Variants in TRDMT1 observed in about 807,000 individuals in gnomAD.
TRDMT1 encodes tRNA aspartic acid methyltransferase 1, also known as tRNA (cytosine(38)-C(5))-methyltransferase.
TRDMT1 carries 49 observed loss-of-function variants against 51.2 expected under a neutral mutation model. The ratio of observed to expected loss-of-function variants is 0.96; its 90% CI spans 0.76 to 1.21. The LOEUF is 1.21. Among genes scored for constraint, TRDMT1 ranks in the 50% most tolerant of loss-of-function variants. The probability of loss-of-function intolerance (pLI) is 0.00; values close to 1 mark genes in which losing one functional copy is unlikely to be tolerated. For missense variants in TRDMT1, 534 were observed against 462.3 expected, an observed-to-expected ratio of 1.16 and a Z score of -1.42; for synonymous variants, 187 against 164.6, an observed-to-expected ratio of 1.14 and a Z score of -1.04.
At chr10:17,165,194 A>G (rs1229144208) in intron 3 of TRDMT1, among the ~76,000 whole-genome samples, 1 of 152,216 alleles carries the variant, frequency 6.6e-6, no homozygotes, top group Non-Finnish European at 1.5e-5. Context: ...GGAACAGAAC[A>G]GAGCCCTCAG....
Position 17,171,657 on chromosome 10 carries a change from T to C in TRDMT1, c.175-2740A>G, listed in dbSNP as rs1441329060. On this transcript the variant is annotated intron_variant, in intron 2 of 10. Coordinates refer to ENST00000377799, the MANE Select transcript of TRDMT1 (RefSeq NM_004412.7). ...CCTAAAAAATTGATAGTTTCATTTA[T>C]CTGCAAAGACATATTTTTTGTGTCT... 2.6e-5 allele frequency: 4 copies of C among 152,250 alleles called. No homozygotes were observed. In the East Asian group the frequency reaches 5.8e-4, roughly 22 times the overall value. 9.4% of individuals were successfully genotyped at this position (152,250 alleles called of 1,614,324 possible).
chr10:17,159,608 T>C (rs1840029942), intron 6 of TRDMT1, among the ~76,000 whole-genome samples: 1 of 152,194 alleles, frequency 6.6e-6, no homozygotes, highest in African/African-American at 2.4e-5. Flanking sequence ...TAAAAAAGGA[T>C]GATACACTAT....
chr10:17,143,385 A>C lies in TRDMT1; in HGVS notation c.*5655T>G, dbSNP rs983506957. 1.0e-5 allele frequency: 10 copies of C among 985,354 alleles called. No homozygotes were observed. The highest frequency in any genetic ancestry group is 1.2e-5 in the Non-Finnish European group (10 of 829,934). The allele number at this position is 985,354 out of a possible 1,614,324, so 61.0% of individuals were successfully genotyped here. A position where few individuals can be genotyped will look rare whatever the true frequency, so the allele number is the denominator to read the frequency against. The stretch of plus-strand genomic sequence containing the variant: ...TTTTAAAACTCAGATCGTAACAGCT[A>C]TTCAGCTTATTGTCTACTCATTCAT... On this transcript the variant is annotated 3_prime_UTR_variant, in exon 11 of 11. Coordinates refer to ENST00000377799, the MANE Select transcript of TRDMT1 (RefSeq NM_004412.7).
At chr10:17,201,284 T>C (rs1406969889) in intron 1 of TRDMT1, 1 of 340,642 alleles carries the variant, frequency 2.9e-6, no homozygotes, top group Non-Finnish European at 5.4e-6. Flanking sequence ...TTGATACCCT[T>C]TGAGGTTGAT....
rs1307153047 is a variant in TRDMT1 at position 17,138,632 on chromosome 10, A to G, written c.*10408T>C. Reference sequence around the variant, plus strand: ...CATGCTCATTATTACAATGACTACAATTATCTTTGAGTAGAATGAAAAAGA... The same window carrying G: ...CATGCTCATTATTACAATGACTACAGTTATCTTTGAGTAGAATGAAAAAGA... On this transcript the variant is annotated 3_prime_UTR_variant, in exon 11 of 11. Transcript: ENST00000377799. 6.8e-6 allele frequency among the ~76,000 whole-genome samples: 1 copy of G among 147,022 alleles called. No individual in the cohort carries two copies. The highest frequency in any genetic ancestry group is 1.5e-5 in the Non-Finnish European group (1 of 65,548).
chr10:17,181,434 C>G (rs1843269995), intron 1 of TRDMT1, among the ~76,000 whole-genome samples: 1 of 152,180 alleles, frequency 6.6e-6, no homozygotes, highest in Admixed American at 6.5e-5. Flanking sequence ...TATGGGTACT[C>G]TCAGCACCCA....
At chr10:17,191,800 C>CG in intron 1 of TRDMT1, among the ~76,000 whole-genome samples, 1 of 152,234 alleles carries the variant, frequency 6.6e-6, no homozygotes, top group Non-Finnish European at 1.5e-5. Flanking sequence ...AAAAGTCCCC[C>CG]CAAAGCGTGA....
rs189818837 is a variant in TRDMT1, at chr10:17,192,271, T to C, written c.64+9300A>G. ...ACTAGAAGAACAAAGCCACCTGTTA[T>C]TGGGGTGAGGCAGGTTACAAGAGTG... On this transcript the variant is annotated intron_variant, in intron 1 of 10. Transcript: ENST00000377799. Among the ~76,000 whole-genome samples the C allele has an allele frequency of 3.8e-3, 576 of 152,180 alleles. 6 individuals carry two copies. The highest frequency in any genetic ancestry group is 0.013 in the African/African-American group (548 of 41,506).
intron 3 of TRDMT1, among the ~76,000 whole-genome samples, chr10:17,165,260 G>A (rs1361627416): frequency 6.6e-6 from 1 of 152,144 alleles, no homozygotes; most frequent in Non-Finnish European, 1.5e-5. Context: ...ACAAAAACAA[G>A]AAATGGGGAA....
intron 1 of TRDMT1, among the ~76,000 whole-genome samples, chr10:17,178,911 G>A (rs1257288245): frequency 6.6e-6 from 1 of 152,000 alleles, no homozygotes; most frequent in Non-Finnish European, 1.5e-5. Context: ...ATACGGATAG[G>A]AACTGCTGGA....
chr10:17,197,322 A>G (rs981144458), intron 1 of TRDMT1, among the ~76,000 whole-genome samples: 1 of 152,112 alleles, frequency 6.6e-6, no homozygotes, highest in Non-Finnish European at 1.5e-5. Flanking sequence ...ACAGGAACAG[A>G]AAGGAACAGC....
Position 17,148,908 on chromosome 10 carries a change from C to T in TRDMT1, c.*132G>A. The T allele has an allele frequency of 2.3e-6, 3 of 1,278,650 alleles. No homozygotes were observed. Among genetic ancestry groups the T allele is most frequent in the Non-Finnish European group, 3.0e-6 (3 of 1,000,286 alleles). The allele number at this position is 1,278,650 out of a possible 1,614,324, so 79.2% of individuals were successfully genotyped here. ...ACACATGGATTTTTTTAATAAAATC[C>T]AAATTTCTTAATAAGGACAGATTAA... On this transcript the variant is annotated 3_prime_UTR_variant, in exon 11 of 11. Transcript: ENST00000377799.
chr10:17,149,174 T>G, intron 10 of TRDMT1, 34 bp from the exon 11 acceptor site: 1 of 1,528,856 alleles, frequency 6.5e-7, no homozygotes, highest in Non-Finnish European at 9.0e-7. Context: ...AAGAAATCAT[T>G]TGTAATCACA....
At chr10:17,159,348 C>T in intron 6 of TRDMT1, 119 bp from the exon 7 acceptor site, 1 of 592,668 alleles carries the variant, frequency 1.7e-6, no homozygotes, top group Non-Finnish European at 2.9e-6. Context: ...TAGCTTCTAC[C>T]ACAGCAAAAT....
In TRDMT1 at chr10:17,183,395, G is replaced by GA. The variant is rs551997260; in HGVS notation, c.65-8736dup. 9.2e-5 allele frequency among the ~76,000 whole-genome samples: 14 copies of GA among 152,168 alleles called. No homozygotes were observed. In the South Asian group the frequency reaches 2.3e-3, roughly 25 times the overall value. On this transcript the variant is annotated intron_variant, in intron 1 of 10. Coordinates refer to ENST00000377799, the MANE Select transcript of TRDMT1 (RefSeq NM_004412.7). ...AATAATTCGATTTTTTTCTCATTGAGAATATACTATTATTTTATTTATATC... is the reference window on the plus strand; with the variant it reads ...AATAATTCGATTTTTTTCTCATTGAGAAATATACTATTATTTTATTTATATC...
chr10:17,153,507 C>T lies in TRDMT1; in HGVS notation c.1075G>A (p.Gly359Arg), dbSNP rs201588841. 4.3e-6 allele frequency: 7 copies of T among 1,613,856 alleles called. No individual in the cohort carries two copies. The highest frequency in any genetic ancestry group is 2.7e-5 in the African/African-American group (2 of 75,022). The change falls in exon 10 of 11, where the codon GGA becomes AGA. Residue 359 changes from glycine (G) to arginine (R), a missense_variant and splice_region_variant. Coordinates refer to ENST00000377799, the MANE Select transcript of TRDMT1 (RefSeq NM_004412.7). ...TGAATTCTGCACGTATCCCACATAC[C>T]GAACTCTGGAGGAAATCCAAGGAGA... ...ANLLGFPPEF[G>R]FPEKITVKQR... is the part of the protein sequence containing the mutation.
chr10:17,154,842 G>A, intron 8 of TRDMT1, 108 bp from the exon 9 acceptor site: 1 of 868,134 alleles, frequency 1.2e-6, no homozygotes, highest in Non-Finnish European at 1.7e-6. Flanking sequence ...ACATCCTTCT[G>A]AAATATCTTG....
At chr10:17,151,078 G>T in intron 10 of TRDMT1, 1 of 864,234 alleles carries the variant, frequency 1.2e-6, no homozygotes, top group Non-Finnish European at 1.4e-6. Flanking sequence ...CAAAAGCATT[G>T]CAGTTTTTGC....
intron 8 of TRDMT1, 48 bp from the exon 9 acceptor site, chr10:17,154,782 T>C: frequency 3.3e-6 from 5 of 1,507,374 alleles, no homozygotes; most frequent in Non-Finnish European, 4.5e-6. Flanking sequence ...TATGTGTTAA[T>C]GCTAAATTTC....
Sources: gnomAD v4.1 joint callset for allele counts (sites outside exome capture counted in the v4.1 genomes callset) on GRCh38, gnomAD v4.1.1 for gene constraint, MANE v1.5 for transcripts, NCBI Gene and HGNC (gene_info 2026-07-23, HGNC 2026-07-21) for gene names.